TRMT2A: variants seen among roughly 807,000 people sequenced by gnomAD.
TRMT2A encodes tRNA (uracil-5-)-methyltransferase homolog A.
In TRMT2A, 60 loss-of-function variants were observed where a neutral mutation model predicts 59.3. The observed-to-expected ratio is 1.01, with a 90% confidence interval of 0.82 to 1.26. The LOEUF is 1.26. TRMT2A is among the 50% of genes most tolerant of loss of function. The probability of loss-of-function intolerance (pLI) is 0.00; values close to 1 mark genes in which losing one functional copy is unlikely to be tolerated. For missense variants in TRMT2A, 863 were observed against 845.2 expected (o/e 1.02, Z -0.26); for synonymous variants, 403 against 353.7 (o/e 1.14, Z -1.56).
Position 20,114,855 on chromosome 22 carries a change from C to G in TRMT2A, c.1027G>C (p.Ala343Pro). 1.2e-6 allele frequency: 2 copies of G among 1,600,580 alleles called. No homozygotes were observed. The highest frequency in any genetic ancestry group is 1.7e-6 in the Non-Finnish European group (2 of 1,175,006). ...HPQKLSPEEL[A>P]ELKTSLAQHF... is the part of the protein sequence containing the mutation. ...TGCGCTAGGGAGGTCTTCAGCTCTGCCAGCTCCTCAGGGCTCAGCTTCTGG... is the reference window on the plus strand; with the variant it reads ...TGCGCTAGGGAGGTCTTCAGCTCTGGCAGCTCCTCAGGGCTCAGCTTCTGG... Residue 343 changes from alanine (A) to proline (P), a missense_variant, in exon 6 of 12, where the codon GCA becomes CCA. Transcript: ENST00000252136.
chr22:20,112,749 C>T lies in TRMT2A; in HGVS notation c.1692G>A (p.Arg564=), dbSNP rs1248542780. The change falls in exon 12 of 12, where the codon CGG becomes CGA. Residue 564 remains arginine, a synonymous_variant. Transcript: ENST00000252136. The part of the protein sequence containing the change: ...PSNRVKGIPF[R]PVKAVAVDLF... ...GGTCCACTGCCACAGCCTTGACCGG[C>T]CGGAAGGGAATGCCCTTCACCCGGT... 20 of 1,613,728 alleles carry T rather than the reference C, an allele frequency of 1.2e-5. No individual in the cohort carries two copies. Among genetic ancestry groups the T allele is most frequent in the Non-Finnish European group, 1.7e-5 (20 of 1,179,994 alleles).
At chr22:20,113,639 G>T (rs980921620) in intron 8 of TRMT2A, 47 bp downstream of exon 8, 1 of 1,592,288 alleles carries the variant, frequency 6.3e-7, no homozygotes, top group African/African-American at 1.3e-5. Flanking sequence ...GTCAATGGGG[G>T]TCTTGGGGTG....
Position 20,114,580 on chromosome 22 carries a change from G to C in TRMT2A, c.1227C>G (p.Phe409Leu). 2 of 1,613,564 alleles carry C rather than the reference G, an allele frequency of 1.2e-6. No individual in the cohort carries two copies. The highest frequency in any genetic ancestry group is 1.7e-6 in the Non-Finnish European group (2 of 1,179,790). ...ACCAGGGACTCATGGCTACCTGGAAGAAGGCGTGTGGAGAGATCCGGAAGG... is the reference window on the plus strand; with the variant it reads ...ACCAGGGACTCATGGCTACCTGGAACAAGGCGTGTGGAGAGATCCGGAAGG... Reference protein sequence around the residue: ...GLTFRISPHAFFQVNTPAAEV... With the variant: ...GLTFRISPHALFQVNTPAAEV... Residue 409 changes from phenylalanine (F) to leucine (L), a missense_variant, in exon 7 of 12, where the codon TTC becomes TTG. Phe to Leu is a conservative substitution (Grantham distance 22). Coordinates refer to ENST00000252136, the MANE Select transcript of TRMT2A (RefSeq NM_022727.6).
chr22:20,113,858 C>A, intron 7 of TRMT2A, 50 bp from the exon 8 acceptor site: 1 of 1,504,048 alleles, frequency 6.6e-7, no homozygotes, highest in South Asian at 1.3e-5. Flanking sequence ...CCTGTGGTGC[C>A]ACTGGTGCCC....
Position 20,113,188 on chromosome 22 carries a change from C to T in TRMT2A, c.1479G>A (p.Val493=). ...AGGCCAGTCTGCTCACCAGGGTGGG[C>T]ACCAGGTCCTCGGCCCTCCCGCAGT... ...EFHCGRAEDL[V]PTLVSRLASQ... is the part of the protein sequence containing the mutation. The change falls in exon 10 of 12, where the codon GTG becomes GTA. Residue 493 remains valine (V), a synonymous_variant. Transcript: ENST00000252136. 1 of 1,592,088 alleles carries T rather than the reference C, an allele frequency of 6.3e-7. No individual in the cohort carries two copies. The highest frequency in any genetic ancestry group is 1.1e-5 in the South Asian group (1 of 88,384).
At chr22:20,113,893 C>T in intron 7 of TRMT2A, 85 bp from the exon 8 acceptor site, 1 of 1,450,152 alleles carries the variant, frequency 6.9e-7, no homozygotes. Context: ...CTGGTCCCTC[C>T]ATCCTGCCGG....
At chr22:20,116,803 A>C (rs2050039213) in intron 1 of TRMT2A, 80 bp downstream of exon 1, 4 of 1,446,874 alleles carry the variant, frequency 2.8e-6, no homozygotes, top group Admixed American at 4.1e-5. Flanking sequence ...GTCCCCACCT[A>C]TTCTCTGGCA....
At chr22:20,113,399 A>AGCCCCC in intron 9 of TRMT2A, 33 bp downstream of exon 9, 6 of 713,622 alleles carry the variant, frequency 8.4e-6, no homozygotes, top group Non-Finnish European at 1.4e-5. Flanking sequence ...GGCTGCCCCC[A>AGCCCCC]TCCCCACCCC....
chr22:20,117,019 A>G lies in TRMT2A; in HGVS notation c.-113T>C, dbSNP rs2050047950. 1 of 1,382,162 alleles carries G rather than the reference A, an allele frequency of 7.2e-7. No homozygotes were observed. Among genetic ancestry groups the G allele is most frequent in the African/African-American group, 1.4e-5 (1 of 69,722 alleles). The allele number at this position is 1,382,162 out of a possible 1,614,324, so 85.6% of individuals were successfully genotyped here. ...GTCACAAGGGAAGTGCTCAGAGGGG[A>G]GGTGCTCACAGAGCCGGTGCAACGC... On this transcript the variant is annotated 5_prime_UTR_variant, in exon 1 of 12. Transcript: ENST00000252136.
intron 8 of TRMT2A, 85 bp from the exon 9 acceptor site, chr22:20,113,592 G>A (rs1298819020): frequency 3.1e-6 from 5 of 1,606,674 alleles, no homozygotes; most frequent in Non-Finnish European, 4.3e-6. Flanking sequence ...CTGGGCCTGG[G>A]GCATGATGGA....
rs1164093401 is a variant in TRMT2A, at chr22:20,116,618, T to G, written c.25-6A>C. The G allele has an allele frequency of 3.3e-6, 5 of 1,529,066 alleles. No homozygotes were observed. The East Asian group carries it at 1.1e-4, about 35-fold the overall frequency. The allele number at this position is 1,529,066 out of a possible 1,614,324, so 94.7% of individuals were successfully genotyped here. ...CTCTCCATGGGCTTCGGGCCCTGTG[T>G]GGGGACAGATGGGGTGCTAGGGTGA... On this transcript the variant is annotated splice_polypyrimidine_tract_variant and splice_region_variant and intron_variant, in intron 1 of 11. Coordinates refer to ENST00000252136, the MANE Select transcript of TRMT2A (RefSeq NM_022727.6).
In TRMT2A at chr22:20,112,296, CA is replaced by C. The variant is rs1342461415; in HGVS notation, c.*266del. 3.9e-6 allele frequency: 2 copies of C among 519,154 alleles called. No individual in the cohort carries two copies. Among genetic ancestry groups the C allele is most frequent in the African/African-American group, 3.8e-5 (2 of 52,440 alleles). 32.2% of individuals were successfully genotyped at this position (519,154 alleles called of 1,614,324 possible). ...AGACCCCTGGCTCTCATCACAGAAA[CA>C]CCCTTTGTTGAGCAGTTGTTTATTC... On this transcript the variant is annotated 3_prime_UTR_variant, in exon 12 of 12. Transcript: ENST00000252136.
rs372722644 is a variant in TRMT2A at position 20,113,790 on chromosome 22, C to A, written c.1252G>T (p.Glu418Ter). 6.3e-7 allele frequency: 1 copy of A among 1,587,982 alleles called. No homozygotes were observed. The highest frequency in any genetic ancestry group is 8.6e-7 in the Non-Finnish European group (1 of 1,164,796). ...TCCTGGATGACTGTGTAGAGCACCT[C>A]GGCTGCGGGTGTGTTCACCTGGGGG... is the stretch of plus-strand genomic sequence containing the variant. ...AFFQVNTPAAEVLYTVIQDWA... is the reference protein window; with the variant it reads ...AFFQVNTPAA Residue 418 changes from glutamate to a stop codon, truncating the protein, a stop_gained, in exon 8 of 12, where the codon GAG becomes TAG. Transcript: ENST00000252136. LOFTEE classifies it high-confidence loss of function.
rs1452354053 is a variant in TRMT2A, at chr22:20,112,357, C to G, written c.*206G>C. 1 of 640,214 alleles carries G rather than the reference C, an allele frequency of 1.6e-6. No homozygotes were observed. Among genetic ancestry groups the G allele is most frequent in the Non-Finnish European group, 2.7e-6 (1 of 372,254 alleles). 39.7% of individuals were successfully genotyped at this position (640,214 alleles called of 1,614,324 possible). Reference sequence around the variant, plus strand: ...CAGCCTTGGCTAGTCCACAAAGGCCCTGGGGATGGGCAACAGGCTACAGGA... The same window carrying G: ...CAGCCTTGGCTAGTCCACAAAGGCCGTGGGGATGGGCAACAGGCTACAGGA... On this transcript the variant is annotated 3_prime_UTR_variant, in exon 12 of 12. Coordinates refer to ENST00000252136, the MANE Select transcript of TRMT2A (RefSeq NM_022727.6).
In TRMT2A at chr22:20,115,789, G is replaced by C; in HGVS notation, c.600-9C>G. Reference sequence around the variant, plus strand: ...TGGTGCTCCCGATTTCCCTGTAAGAGGAGCAGATCGGTGGTTGGACTCCAC... The same window carrying C: ...TGGTGCTCCCGATTTCCCTGTAAGACGAGCAGATCGGTGGTTGGACTCCAC... On this transcript the variant is annotated splice_polypyrimidine_tract_variant and intron_variant, in intron 2 of 11. Coordinates refer to ENST00000252136, the MANE Select transcript of TRMT2A (RefSeq NM_022727.6). The C allele has an allele frequency of 6.2e-7, 1 of 1,600,332 alleles. No individual in the cohort carries two copies. The highest frequency in any genetic ancestry group is 1.1e-5 in the South Asian group (1 of 90,702).
intron 1 of TRMT2A, 50 bp downstream of exon 1, chr22:20,116,833 C>CCTCCTCCCACCCCATCCCCGT (rs1282074103): frequency 6.5e-7 from 1 of 1,527,702 alleles, no homozygotes; most frequent in East Asian, 2.3e-5. Flanking sequence ...ACCCACCCCG[C>CCTCCTCCCACCCCATCCCCGT]CTCCTCCCAC....
In TRMT2A at chr22:20,112,709, G is replaced by C. The variant is rs746089952; in HGVS notation, c.1732C>G (p.Pro578Ala). Residue 578 changes from proline to alanine, a missense_variant, in exon 12 of 12, where the codon CCG becomes GCG. Transcript: ENST00000252136. ...AVAVDLFPQT[P>A]HCEMLILFER... The stretch of plus-strand genomic sequence containing the variant: ...AACAGGATGAGCATCTCACAGTGCG[G>C]GGTCTGCGGGAACAGGTCCACTGCC... 5.0e-6 allele frequency: 8 copies of C among 1,614,018 alleles called. No homozygotes were observed. In the South Asian group the frequency reaches 8.8e-5, roughly 18 times the overall value.
chr22:20,115,608 G>A (rs1426327670), intron 3 of TRMT2A, 64 bp downstream of exon 3: 1 of 1,589,710 alleles, frequency 6.3e-7, no homozygotes, highest in African/African-American at 1.3e-5. Flanking sequence ...CAGGAAGGGT[G>A]AGCAAAAGCA....
At chr22:20,115,953 C>T (rs1825825451) in intron 2 of TRMT2A, 85 bp downstream of exon 2, 4 of 1,473,796 alleles carry the variant, frequency 2.7e-6, no homozygotes. Flanking sequence ...CTGTGCTGGG[C>T]CTCCCAACTG....
Sources: gnomAD v4.1 joint callset for allele counts on GRCh38, gnomAD v4.1.1 for gene constraint, MANE v1.5 for transcripts, NCBI Gene and HGNC (gene_info 2026-07-23, HGNC 2026-07-21) for gene names.